TM9SF4: variants seen among roughly 807,000 people sequenced by gnomAD.
TM9SF4 encodes transmembrane 9 superfamily member 4.
TM9SF4 carries 26 observed loss-of-function variants against 90.4 expected under a neutral mutation model. The ratio of observed to expected loss-of-function variants is 0.29; its 90% confidence interval spans 0.21 to 0.40. TM9SF4 has a LOEUF of 0.40. Among genes scored for constraint, TM9SF4 ranks in the 10% least tolerant of loss-of-function variants. The probability of loss-of-function intolerance (pLI) is 1.00; values close to 1 mark genes in which losing one functional copy is unlikely to be tolerated. For synonymous variants in TM9SF4, 293 were observed against 315.4 expected (o/e 0.93, Z 0.75); for missense variants, 549 against 834.8 (o/e 0.66, Z 4.22).
intron 3 of TM9SF4, among the ~76,000 whole-genome samples, chr20:32,138,868 G>A (rs957737216): frequency 6.6e-6 from 1 of 152,180 alleles, no homozygotes; most frequent in African/African-American, 2.4e-5. Context: ...GAGGAAAGAG[G>A]CCAGGGATTT....
chr20:32,158,547 C>T, intron 15 of TM9SF4, 33 bp downstream of exon 15: 3 of 1,611,662 alleles, frequency 1.9e-6, no homozygotes, highest in Non-Finnish European at 2.5e-6. Context: ...CCCCTCCACC[C>T]ATGCTAGCCG....
intron 6 of TM9SF4, among the ~76,000 whole-genome samples, chr20:32,144,236 G>A (rs184139730): frequency 3.3e-5 from 5 of 152,246 alleles, no homozygotes; most frequent in Non-Finnish European, 5.9e-5. Context: ...GAGCCACCGC[G>A]CCCAGCTCAC....
chr20:32,137,868 A>G (rs1268334622), intron 3 of TM9SF4, among the ~76,000 whole-genome samples: 1 of 152,114 alleles, frequency 6.6e-6, no homozygotes, highest in Non-Finnish European at 1.5e-5. Context: ...TACTCTCCTT[A>G]TTATAAATAA....
chr20:32,126,588 G>A (rs765387085), intron 1 of TM9SF4, among the ~76,000 whole-genome samples: 1 of 152,150 alleles, frequency 6.6e-6, no homozygotes, highest in Non-Finnish European at 1.5e-5. Context: ...CTTGCTGAGA[G>A]CATCTGGGAC....
chr20:32,133,973 A>AT (rs11459669), intron 2 of TM9SF4, among the ~76,000 whole-genome samples: 21,772 of 138,890 alleles, frequency 0.16, 2,431 homozygotes, highest in African/African-American at 0.32. Context: ...TGCCTGGCTA[A>AT]TTTTTTTTTT....
intron 2 of TM9SF4, among the ~76,000 whole-genome samples, 158 bp downstream of exon 2, chr20:32,133,284 C>T (rs73906746): frequency 0.11 from 17,292 of 152,122 alleles, 2,161 homozygotes; most frequent in African/African-American, 0.31. Context: ...CTCTGGTTCT[C>T]GGTCCCCTCT....
chr20:32,112,557 G>T (rs1462487050), intron 1 of TM9SF4, among the ~76,000 whole-genome samples: 4 of 151,878 alleles, frequency 2.6e-5, no homozygotes, highest in Admixed American at 6.6e-5. Context: ...AGCAGGGTGT[G>T]GTGGCACACA....
At chr20:32,139,668 A>G (rs1423455468) in intron 3 of TM9SF4, among the ~76,000 whole-genome samples, 3 of 152,260 alleles carry the variant, frequency 2.0e-5, no homozygotes, top group African/African-American at 7.2e-5. Context: ...CCCCTGTTAG[A>G]AACCTTCATT....
intron 17 of TM9SF4, among the ~76,000 whole-genome samples, chr20:32,163,674 C>T (rs1481798742): frequency 2.2e-5 from 3 of 139,166 alleles, no homozygotes; most frequent in East Asian, 4.3e-4. Context: ...TGCAGTGGTG[C>T]GATCTTGGCT....
At chr20:32,128,373 ACTTT>A (rs1454974317) in intron 1 of TM9SF4, among the ~76,000 whole-genome samples, 2 of 152,190 alleles carry the variant, frequency 1.3e-5, no homozygotes, top group African/African-American at 4.8e-5. Context: ...TGCTGCTTAA[ACTTT>A]AACTCAGGGA....
At chr20:32,153,465 C>T (rs1029930209) in intron 12 of TM9SF4, among the ~76,000 whole-genome samples, 1 of 152,206 alleles carries the variant, frequency 6.6e-6, no homozygotes, top group Non-Finnish European at 1.5e-5. Context: ...CAAGAAGGTT[C>T]ATGCCGGTTG....
At position 32,165,499 on chromosome 20, in the gene TM9SF4, G is replaced by C. The variant is rs555563244; in HGVS notation, c.*55G>C. The C allele has an allele frequency of 6.3e-7, 1 of 1,596,268 alleles. No individual in the cohort carries two copies. The highest frequency in any genetic ancestry group is 8.6e-7 in the Non-Finnish European group (1 of 1,165,274). On this transcript the variant is annotated 3_prime_UTR_variant, in exon 18 of 18. Transcript: ENST00000398022. ...GTCCTCGGACAGGAAGCCACCCTGCGTGGGGGACTGCAGGCACGCAAAATA... is the reference window on the plus strand; with the variant it reads ...GTCCTCGGACAGGAAGCCACCCTGCCTGGGGGACTGCAGGCACGCAAAATA...
intron 10 of TM9SF4, 124 bp from the exon 11 acceptor site, chr20:32,150,498 C>T: frequency 9.3e-7 from 1 of 1,071,178 alleles, no homozygotes; most frequent in Non-Finnish European, 1.4e-6. Context: ...GAGGGGGAGC[C>T]TCATCTGCCC....
chr20:32,115,738 GCTT>G (rs1332664179), intron 1 of TM9SF4, among the ~76,000 whole-genome samples: 13 of 149,174 alleles, frequency 8.7e-5, no homozygotes, highest in African/African-American at 3.0e-4. Context: ...AACCGTTTGC[GCTT>G]TTAAGCCTCA....
At chr20:32,162,557 T>C (rs1161892532) in intron 17 of TM9SF4, among the ~76,000 whole-genome samples, 1 of 152,210 alleles carries the variant, frequency 6.6e-6, no homozygotes, top group African/African-American at 2.4e-5. Context: ...AGGGACCATA[T>C]GGCCTGCAGA....
chr20:32,162,999 G>GA (rs1371675571), intron 17 of TM9SF4, among the ~76,000 whole-genome samples: 1 of 152,132 alleles, frequency 6.6e-6, no homozygotes, highest in African/African-American at 2.4e-5. Flanking sequence ...CTCAATCCCA[G>GA]CACTTCGGGA....
At chr20:32,133,910 G>A (rs535299180) in intron 2 of TM9SF4, among the ~76,000 whole-genome samples, 2 of 151,938 alleles carry the variant, frequency 1.3e-5, no homozygotes, top group Non-Finnish European at 2.9e-5. Context: ...AGGCTAAAGT[G>A]ATCCTTCTGC....
At chr20:32,132,752 G>A (rs2046538698) in intron 1 of TM9SF4, among the ~76,000 whole-genome samples, 1 of 152,248 alleles carries the variant, frequency 6.6e-6, no homozygotes, top group African/African-American at 2.4e-5. Flanking sequence ...GAAGTGGGGA[G>A]ACATGGCTCC....
intron 8 of TM9SF4, 114 bp downstream of exon 8, chr20:32,145,537 A>G: frequency 1.2e-6 from 1 of 848,112 alleles, no homozygotes; most frequent in Non-Finnish European, 1.9e-6. Context: ...CGTAGGTCAA[A>G]AACAGACATC....
Sources: allele counts gnomAD v4.1 joint callset (sites outside exome capture counted in the v4.1 genomes callset), GRCh38; gene constraint gnomAD v4.1.1; transcripts MANE v1.5; gene names NCBI Gene and HGNC (gene_info 2026-07-23, HGNC 2026-07-21).